Variants in GALNS observed in about 807,000 individuals in gnomAD.
GALNS encodes N-acetylgalactosamine-6-sulfatase.
In GALNS, 65 loss-of-function variants were observed where a neutral mutation model predicts 65.9. That is an observed-to-expected ratio of 0.99 (90% CI 0.81 to 1.21). The LOEUF (loss-of-function observed/expected upper bound fraction) is 1.21. GALNS is among the 50% of genes most tolerant of loss of function. The pLI, the probability that GALNS is intolerant of heterozygous loss-of-function variation, is 0.00. For missense variants in GALNS, 776 were observed against 700.7 expected, an observed-to-expected ratio of 1.11 and a Z score of -1.21; for synonymous variants, 346 against 288.9, an observed-to-expected ratio of 1.20 and a Z score of -2.00.
intron 13 of GALNS, chr16:88,815,905 A>G (rs1909573301): frequency 2.0e-6 from 2 of 985,402 alleles, no homozygotes; most frequent in Non-Finnish European, 2.4e-6. Context: ...TCCCAGAAGC[A>G]GGGGTCCAGG....
At chr16:88,840,567 T>C (rs76264174) in intron 4 of GALNS, 5,141 of 310,700 alleles carry the variant, frequency 0.017, 267 homozygotes, top group African/African-American at 0.11. Context: ...GGTGGCTTCT[T>C]TGTGGTTTAG....
intron 12 of GALNS, among the ~76,000 whole-genome samples, chr16:88,819,495 C>T (rs1400405342): frequency 3.3e-5 from 5 of 152,090 alleles, no homozygotes; most frequent in East Asian, 1.9e-4. Context: ...TGACGGTGAG[C>T]GTCCCCGAAG....
chr16:88,823,428 G>A (rs181664538), intron 11 of GALNS, among the ~76,000 whole-genome samples: 4 of 152,398 alleles, frequency 2.6e-5, no homozygotes, highest in East Asian at 3.9e-4. Context: ...TTCCCAGAGC[G>A]GGTGCTGCAG....
intron 9 of GALNS, among the ~76,000 whole-genome samples, chr16:88,827,475 T>C (rs957518435): frequency 2.6e-5 from 4 of 152,108 alleles, no homozygotes; most frequent in African/African-American, 9.7e-5. Context: ...AGATGGAGTT[T>C]TGTTCTTGTC....
rs1910353907 is a variant in GALNS, at chr16:88,822,620, C to G, written c.1333G>C (p.Gly445Arg). The G allele has an allele frequency of 1.2e-6, 2 of 1,612,824 alleles. No individual in the cohort carries two copies. The highest frequency in any genetic ancestry group is 2.2e-5 in the South Asian group (2 of 91,086). Residue 445 changes from glycine to arginine, a missense_variant, in exon 12 of 14, where the codon GGA becomes CGA. Transcript: ENST00000268695. ...GGGAACCTCTCCCCTGGGTCCCGTC[C>G]CAGGTGGAAGATCAGGGGCAGCTTC... is the stretch of plus-strand genomic sequence containing the variant. ...HTKLPLIFHL[G>R]RDPGERFPLS... is the part of the protein sequence containing the mutation.
intron 9 of GALNS, chr16:88,827,112 G>A (rs912089186): frequency 5.3e-5 from 30 of 560,818 alleles, no homozygotes; most frequent in Non-Finnish European, 9.3e-5. Context: ...GAGAATCACA[G>A]CCCTCCCAGG....
At position 88,835,713 on chromosome 16, in the gene GALNS, G is replaced by A. The variant is rs1327557657; in HGVS notation, c.758+12C>T. ...TCCAGCGAGGTCTATGCTCCATGGAGCCAGGACTCACCGCCCTCGCTGACT... is the reference window on the plus strand; with the variant it reads ...TCCAGCGAGGTCTATGCTCCATGGAACCAGGACTCACCGCCCTCGCTGACT... On this transcript the variant is annotated intron_variant, in intron 7 of 13. Transcript: ENST00000268695. 5 of 1,613,770 alleles carry A rather than the reference G, an allele frequency of 3.1e-6. No homozygotes were observed. The highest frequency in any genetic ancestry group is 4.2e-6 in the Non-Finnish European group (5 of 1,180,018).
At chr16:88,849,841 G>A (rs1384346123) in intron 1 of GALNS, among the ~76,000 whole-genome samples, 2 of 152,262 alleles carry the variant, frequency 1.3e-5, no homozygotes, top group Non-Finnish European at 2.9e-5. Context: ...AAAGGGAGGT[G>A]GGAGGACAGG....
At chr16:88,856,221 C>T (rs748606482) in intron 1 of GALNS, 1 of 703,042 alleles carries the variant, frequency 1.4e-6, no homozygotes, top group Admixed American at 2.0e-5. Context: ...GCTCAGCATT[C>T]TCCAGAGGAC....
chr16:88,851,439 G>A (rs533461701), intron 1 of GALNS, among the ~76,000 whole-genome samples: 6 of 152,308 alleles, frequency 3.9e-5, no homozygotes, highest in African/African-American at 1.2e-4. Flanking sequence ...CTCCCAGCGT[G>A]ATTGACGCAG....
At chr16:88,851,574 T>C (rs1284245548) in intron 1 of GALNS, among the ~76,000 whole-genome samples, 2 of 152,118 alleles carry the variant, frequency 1.3e-5, no homozygotes, top group African/African-American at 4.8e-5. Flanking sequence ...ACTCAGGAAG[T>C]GCGAGGGGTT....
At chr16:88,846,592 C>T (rs1967257671) in intron 1 of GALNS, among the ~76,000 whole-genome samples, 1 of 146,110 alleles carries the variant, frequency 6.8e-6, no homozygotes, top group Admixed American at 7.1e-5. Flanking sequence ...CTCACTGCAA[C>T]CTTTGCCTGC....
intron 9 of GALNS, among the ~76,000 whole-genome samples, chr16:88,830,395 A>G (rs755226180): frequency 6.6e-6 from 1 of 152,090 alleles, no homozygotes; most frequent in South Asian, 2.1e-4. Context: ...CTCCAGAAGG[A>G]GCTGGCCCCA....
chr16:88,836,541 C>T lies in GALNS; in HGVS notation c.567-274G>A, dbSNP rs1373897023. On this transcript the variant is annotated intron_variant, in intron 5 of 13. Coordinates refer to ENST00000268695, the MANE Select transcript of GALNS (RefSeq NM_000512.5). ...TGGTGGCGCACGCCTGTAATCCCAG[C>T]TACTTGAGAGGCTGAGGCAGGAGAA... Among the ~76,000 whole-genome samples the T allele has an allele frequency of 2.6e-5, 4 of 152,274 alleles. No homozygotes were observed. In the East Asian group the frequency reaches 7.7e-4, roughly 29 times the overall value.
intron 10 of GALNS, among the ~76,000 whole-genome samples, chr16:88,825,958 G>A (rs534946382): frequency 5.9e-5 from 9 of 152,326 alleles, no homozygotes; most frequent in Admixed American, 1.3e-4. Flanking sequence ...CCCAGGAAAC[G>A]TGGTTTGAGT....
At chr16:88,851,018 G>T (rs944072806) in intron 1 of GALNS, among the ~76,000 whole-genome samples, 1 of 152,206 alleles carries the variant, frequency 6.6e-6, no homozygotes, top group Non-Finnish European at 1.5e-5. Flanking sequence ...CGTCCCACAC[G>T]TGGGCCTTCT....
chr16:88,826,279 G>A (rs1192669783), intron 10 of GALNS, among the ~76,000 whole-genome samples: 13 of 150,004 alleles, frequency 8.7e-5, no homozygotes, highest in Non-Finnish European at 1.9e-4. Context: ...CTGCAGGCAG[G>A]GAACAGGGGT....
chr16:88,840,167 C>T (rs762883897), intron 4 of GALNS, among the ~76,000 whole-genome samples: 2 of 152,190 alleles, frequency 1.3e-5, no homozygotes, highest in Non-Finnish European at 2.9e-5. Context: ...ATGAAGTGCT[C>T]CCTAGACAGC....
At chr16:88,855,351 T>C in intron 1 of GALNS, 1 of 700,404 alleles carries the variant, frequency 1.4e-6, no homozygotes, top group Non-Finnish European at 2.6e-6. Context: ...AAGAAGAAAT[T>C]CTGAAACAAA....
Sources: gnomAD v4.1 joint callset for allele counts (sites outside exome capture counted in the v4.1 genomes callset) on GRCh38, gnomAD v4.1.1 for gene constraint, MANE v1.5 for transcripts, NCBI Gene and HGNC (gene_info 2026-07-23, HGNC 2026-07-21) for gene names.